The following NDP variants were observed in gnomAD, a reference collection of about 807,000 sequenced individuals.
NDP encodes norrin.
A neutral mutation model predicts 8.4 loss-of-function variants in NDP; 2 were observed. The observed-to-expected ratio is 0.24, with a 90% CI of 0.10 to 0.75. NDP has a LOEUF of 0.75. NDP is among the 30% of genes least tolerant of loss of function. The probability of loss-of-function intolerance (pLI) is 0.73; values close to 1 mark genes in which losing one functional copy is unlikely to be tolerated. For missense variants in NDP, 81 were observed against 110.1 expected (o/e 0.74, Z 1.18); for synonymous variants, 55 against 45.6 (o/e 1.21, Z -0.83).
chrX:43,956,467 C>T (rs955632568), intron 2 of NDP, among the ~76,000 whole-genome samples: 6 of 111,706 alleles, frequency 5.4e-5, no homozygotes, highest in African/African-American at 2.0e-4. Context: ...TTATCCAAGT[C>T]TCTAAAGGCA....
At chrX:43,950,686 A>C (rs1421115236) in intron 2 of NDP, among the ~76,000 whole-genome samples, 2 of 111,324 alleles carry the variant, frequency 1.8e-5, no homozygotes, top group African/African-American at 6.5e-5. Flanking sequence ...ATGTAATTGC[A>C]TCCGCATCTT....
chrX:43,970,376 C>T (rs1174728740), intron 1 of NDP, among the ~76,000 whole-genome samples: 1 of 112,053 alleles, frequency 8.9e-6, no homozygotes, highest in African/African-American at 3.2e-5. Flanking sequence ...AGGATGGGCT[C>T]GAAGGCCGCT....
Position 43,948,917 on chromosome X carries a change from A to G in NDP, c.*882T>C, listed in dbSNP as rs975852677. ...ACATGTTTCACATGGACAAGTGGAT[A>G]TTAGAGAATGATGCCCGTGACACGG... On this transcript the variant is annotated 3_prime_UTR_variant, in exon 3 of 3. Transcript: ENST00000642620. 8.9e-6 allele frequency: 1 copy of G among 112,186 alleles called. No individual in the cohort carries two copies. The highest frequency in any genetic ancestry group is 1.9e-5 in the Non-Finnish European group (1 of 53,252). 9.2% of individuals were successfully genotyped at this position (112,186 alleles called of 1,213,427 possible).
At chrX:43,972,891 C>A (rs765507917) in intron 1 of NDP, among the ~76,000 whole-genome samples, 1 of 112,727 alleles carries the variant, frequency 8.9e-6, no homozygotes, top group African/African-American at 3.2e-5. Context: ...GTCTTGCCTG[C>A]GTTAATAGTG....
chrX:43,954,840 T>C (rs757505131), intron 2 of NDP, among the ~76,000 whole-genome samples: 3 of 111,158 alleles, frequency 2.7e-5, no homozygotes, highest in Admixed American at 9.5e-5. Flanking sequence ...CCTTACCGGT[T>C]CAGATAGTCA....
chrX:43,955,404 A>C (rs897515372), intron 2 of NDP, among the ~76,000 whole-genome samples: 6 of 112,004 alleles, frequency 5.4e-5, no homozygotes, highest in Admixed American at 1.9e-4. Context: ...AGGCACAAAG[A>C]AGGAAGTTAC....
In NDP at chrX:43,958,756, C is replaced by T. The variant is rs45501198; in HGVS notation, c.-111G>A. 1.2e-5 allele frequency: 8 copies of T among 659,293 alleles called. No homozygotes were observed. Among genetic ancestry groups the T allele is most frequent in the South Asian group, 2.4e-5 (1 of 42,283 alleles). The allele number at this position is 659,293 out of a possible 1,213,427, so 54.3% of individuals were successfully genotyped here. ...GTCCCGTTCAAGGAAAGGGCAGGAT[C>T]GGGCTGAAGCTTTCTGGTTGTCATT... On this transcript the variant is annotated 5_prime_UTR_variant, in exon 2 of 3. Transcript: ENST00000642620.
chrX:43,972,684 A>G (rs909002454), intron 1 of NDP, among the ~76,000 whole-genome samples: 2 of 112,311 alleles, frequency 1.8e-5, no homozygotes, highest in Admixed American at 9.4e-5. Flanking sequence ...TCCCCAATGC[A>G]TCTATGGAAG....
chrX:43,952,344 T>C (rs1380490213), intron 2 of NDP, among the ~76,000 whole-genome samples: 8 of 111,686 alleles, frequency 7.2e-5, no homozygotes, highest in South Asian at 3.8e-4. Context: ...TTTGCTAATC[T>C]CTCATCTAGA....
intron 2 of NDP, among the ~76,000 whole-genome samples, chrX:43,952,718 A>G (rs973866829): frequency 1.8e-5 from 2 of 112,253 alleles, no homozygotes; most frequent in African/African-American, 6.5e-5. Flanking sequence ...GCCACCTCCA[A>G]TGGGCTGGGC....
At chrX:43,967,278 G>T (rs1246048299) in intron 1 of NDP, among the ~76,000 whole-genome samples, 3 of 111,081 alleles carry the variant, frequency 2.7e-5, no homozygotes, top group Non-Finnish European at 5.7e-5. Flanking sequence ...TTTGGTGGGG[G>T]GCAGTGAAAT....
chrX:43,955,692 A>G (rs1400268759), intron 2 of NDP, among the ~76,000 whole-genome samples: 2 of 112,259 alleles, frequency 1.8e-5, no homozygotes, highest in Admixed American at 1.9e-4. Context: ...TATCAGGCAC[A>G]TCCTAATCTG....
intron 2 of NDP, among the ~76,000 whole-genome samples, chrX:43,958,252 C>T (rs2035806611): frequency 8.9e-6 from 1 of 112,218 alleles, no homozygotes; most frequent in African/African-American, 3.2e-5. Flanking sequence ...ACACCTGTCC[C>T]ACTGGATGGG....
intron 2 of NDP, among the ~76,000 whole-genome samples, chrX:43,952,551 G>A (rs959437772): frequency 8.9e-6 from 1 of 111,897 alleles, no homozygotes; most frequent in African/African-American, 3.3e-5. Context: ...AACTGACTGG[G>A]CCATTAGCAC....
intron 2 of NDP, among the ~76,000 whole-genome samples, chrX:43,952,920 A>T (rs753587238): frequency 9.0e-6 from 1 of 111,352 alleles, no homozygotes; most frequent in East Asian, 2.8e-4. Context: ...TCCCTACTCC[A>T]GTCAAACTTA....
At chrX:43,952,662 C>T (rs1238228974) in intron 2 of NDP, among the ~76,000 whole-genome samples, 1 of 111,957 alleles carries the variant, frequency 8.9e-6, no homozygotes, top group East Asian at 2.8e-4. Flanking sequence ...GCTCCACCCC[C>T]AGCCCACTCT....
chrX:43,956,156 T>C (rs907598991), intron 2 of NDP, among the ~76,000 whole-genome samples: 3 of 111,909 alleles, frequency 2.7e-5, no homozygotes, highest in African/African-American at 9.7e-5. Context: ...GATTATAATA[T>C]ACAATATGAG....
intron 2 of NDP, chrX:43,953,262 T>C (rs771526329): frequency 8.9e-6 from 1 of 112,294 alleles, no homozygotes; most frequent in Admixed American, 9.4e-5. Flanking sequence ...TCTGCTCTCC[T>C]GGTTTACTCT....
intron 1 of NDP, among the ~76,000 whole-genome samples, chrX:43,966,287 T>C (rs1219901848): frequency 8.9e-6 from 1 of 111,740 alleles, no homozygotes; most frequent in Non-Finnish European, 1.9e-5. Flanking sequence ...TTCTATCCTT[T>C]CTTCAATGGG....
Sources: allele counts gnomAD v4.1 joint callset (sites outside exome capture counted in the v4.1 genomes callset), GRCh38; gene constraint gnomAD v4.1.1; transcripts MANE v1.5; gene names NCBI Gene and HGNC (gene_info 2026-07-23, HGNC 2026-07-21).